Variants in RYR2 observed in about 807,000 individuals in gnomAD.
RYR2 encodes the protein ryanodine receptor 2.
Under a neutral mutation model 601.1 loss-of-function variants are expected in RYR2, and 227 were observed. The ratio of observed to expected loss-of-function variants is 0.38; its 90% confidence interval spans 0.34 to 0.42. The LOEUF is 0.42. RYR2 is among the 10% of genes least tolerant of loss of function. The probability of loss-of-function intolerance (pLI) is 1.00; values close to 1 mark genes in which losing one functional copy is unlikely to be tolerated. For missense variants in RYR2, 4,646 were observed against 6,156.5 expected (o/e 0.75, Z 8.21); for synonymous variants, 2,223 against 2,175.1 (o/e 1.02, Z -0.61).
At chr1:237,556,443 T>G (rs1292596588) in intron 27 of RYR2, among the ~76,000 whole-genome samples, 2 of 150,114 alleles carry the variant, frequency 1.3e-5, no homozygotes, top group Admixed American at 6.7e-5. Flanking sequence ...TGGGACTACA[T>G]GCGCCTGCCA....
At chr1:237,244,223 C>T (rs1415592728) in intron 1 of RYR2, among the ~76,000 whole-genome samples, 5 of 152,154 alleles carry the variant, frequency 3.3e-5, no homozygotes, top group African/African-American at 1.2e-4. Flanking sequence ...GATGTTCGTG[C>T]ACAAGGTAGT....
At chr1:237,305,576 C>T (rs1291771862) in intron 2 of RYR2, among the ~76,000 whole-genome samples, 1 of 152,134 alleles carries the variant, frequency 6.6e-6, no homozygotes, top group African/African-American at 2.4e-5. Context: ...AAACTACAGG[C>T]ATGCGCCACC....
chr1:237,672,895 CATGTATG>C (rs1188887566), intron 58 of RYR2, among the ~76,000 whole-genome samples: 7 of 152,120 alleles, frequency 4.6e-5, no homozygotes, highest in African/African-American at 1.7e-4. Flanking sequence ...CAGCACCTTC[CATGTATG>C]ATAGCACAGT....
chr1:237,506,565 C>G, intron 22 of RYR2, 145 bp from the exon 23 acceptor site: 1 of 521,086 alleles, frequency 1.9e-6, no homozygotes. Context: ...AAAAGAATGT[C>G]GTGAAATAGA....
At chr1:237,197,082 A>C (rs1347781622) in intron 1 of RYR2, among the ~76,000 whole-genome samples, 2 of 152,182 alleles carry the variant, frequency 1.3e-5, no homozygotes, top group African/African-American at 2.4e-5. Flanking sequence ...AAATATATTA[A>C]GTAAAGTGAT....
intron 48 of RYR2, among the ~76,000 whole-genome samples, chr1:237,645,523 G>A (rs1289346328): frequency 6.6e-6 from 1 of 152,168 alleles, no homozygotes; most frequent in Non-Finnish European, 1.5e-5. Flanking sequence ...ATACAGATTA[G>A]GAAATAGGGA....
rs752580068 is a variant in RYR2 at position 237,565,350 on chromosome 1, C to T, written c.3215-1217C>T. ...GAACGACCATAGCTCACTGCAACCT[C>T]GACCTTCTAGGCTCAAGTGATCCTT... On this transcript the variant is annotated intron_variant, in intron 27 of 104. Coordinates refer to ENST00000366574, the MANE Select transcript of RYR2 (RefSeq NM_001035.3). Among the ~76,000 whole-genome samples, 9 of 151,976 alleles carry T rather than the reference C, an allele frequency of 5.9e-5. 1 individual carries two copies. Among genetic ancestry groups the T allele is most frequent in the Non-Finnish European group, 1.3e-4 (9 of 68,018 alleles).
intron 3 of RYR2, among the ~76,000 whole-genome samples, chr1:237,341,196 G>A (rs1697736461): frequency 6.6e-6 from 1 of 152,116 alleles, no homozygotes; most frequent in South Asian, 2.1e-4. Flanking sequence ...TCAGCTATTT[G>A]TGTGTGTTTA....
intron 29 of RYR2, among the ~76,000 whole-genome samples, chr1:237,579,789 A>G (rs1283260791): frequency 3.3e-5 from 5 of 152,192 alleles, no homozygotes. Context: ...CTGTTCTACC[A>G]AAGCTTGTTC....
chr1:237,245,384 G>A (rs1686706746), intron 1 of RYR2, among the ~76,000 whole-genome samples: 1 of 152,166 alleles, frequency 6.6e-6, no homozygotes, highest in South Asian at 2.1e-4. Flanking sequence ...GGCTTCTAAA[G>A]GGAAACATGC....
intron 83 of RYR2, among the ~76,000 whole-genome samples, chr1:237,760,629 T>C (rs1178226507): frequency 6.6e-6 from 1 of 152,158 alleles, no homozygotes; most frequent in African/African-American, 2.4e-5. Context: ...ACATTTAATG[T>C]AAGAAGCTAT....
At chr1:237,394,650 A>G (rs1174460009) in intron 10 of RYR2, among the ~76,000 whole-genome samples, 1 of 152,194 alleles carries the variant, frequency 6.6e-6, no homozygotes, top group Non-Finnish European at 1.5e-5. Context: ...TCTGCTTTTC[A>G]ATCACCTCAA....
rs750982848 is a variant in RYR2 at position 237,832,696 on chromosome 1, CCT to C, written c.*55_*56del. 5 of 1,075,308 alleles carry C rather than the reference CCT, an allele frequency of 4.6e-6. No individual in the cohort carries two copies. In the African/African-American group the frequency reaches 7.8e-5, roughly 17 times the overall value. 66.6% of individuals were successfully genotyped at this position (1,075,308 alleles called of 1,614,324 possible). Reference sequence around the variant, plus strand: ...AACCAAAACCCTACCCCTCTCTCTCCCTCTCTCAATTTCTCTGCTCTCTTGGA... The same window carrying C: ...AACCAAAACCCTACCCCTCTCTCTCCCTCTCAATTTCTCTGCTCTCTTGGA... On this transcript the variant is annotated 3_prime_UTR_variant, in exon 105 of 105. Coordinates refer to ENST00000366574, the MANE Select transcript of RYR2 (RefSeq NM_001035.3).
intron 32 of RYR2, among the ~76,000 whole-genome samples, chr1:237,593,127 CTG>C (rs1372467845): frequency 6.6e-6 from 1 of 151,894 alleles, no homozygotes; most frequent in Non-Finnish European, 1.5e-5. Flanking sequence ...CATACATACA[CTG>C]TATATGTGCA....
At chr1:237,628,131 G>A in intron 41 of RYR2, 51 bp downstream of exon 41, 2 of 1,588,092 alleles carry the variant, frequency 1.3e-6, no homozygotes, top group East Asian at 2.2e-5. Flanking sequence ...TTTTCTAATT[G>A]TTATACCTAT....
At position 237,667,960 on chromosome 1, in the gene RYR2, T is replaced by C. The variant is rs756752108; in HGVS notation, c.8590+2T>C. On this transcript the variant is annotated splice_donor_variant, in intron 58 of 104. Coordinates refer to ENST00000366574, the MANE Select transcript of RYR2 (RefSeq NM_001035.3). LOFTEE classifies it high-confidence loss of function. ...AGAAAATGGAGTTGGAGTCCAAAGG[T>C]AATATTTTCTAAAAACGTTTATTAA... The C allele has an allele frequency of 6.4e-7, 1 of 1,555,490 alleles. No homozygotes were observed. Among genetic ancestry groups the C allele is most frequent in the Non-Finnish European group, 8.7e-7 (1 of 1,149,570 alleles).
chr1:237,187,443 C>CTTTTTT (rs10686110), intron 1 of RYR2, among the ~76,000 whole-genome samples: 2,344 of 86,732 alleles, frequency 0.027, 388 homozygotes, highest in Middle Eastern at 0.079. Flanking sequence ...GCCCGGCCGA[C>CTTTTTT]TTTTTTTTTT....
chr1:237,376,131 T>C (rs189855037), intron 7 of RYR2, among the ~76,000 whole-genome samples: 158 of 152,290 alleles, frequency 1.0e-3, no homozygotes, highest in Non-Finnish European at 3.5e-4. Flanking sequence ...CTATAAATGT[T>C]TGAATGGATG....
chr1:237,225,492 G>A (rs67501358), intron 1 of RYR2, among the ~76,000 whole-genome samples: 68,312 of 151,948 alleles, frequency 0.45, 15,608 homozygotes, highest in East Asian at 0.58. Context: ...AGACTTACTC[G>A]CTACCATGAG....
Sources: allele counts gnomAD v4.1 joint callset (sites outside exome capture counted in the v4.1 genomes callset), GRCh38; gene constraint gnomAD v4.1.1; transcripts MANE v1.5; gene names NCBI Gene and HGNC (gene_info 2026-07-23, HGNC 2026-07-21).